The following CEP112 variants were observed in gnomAD, a reference collection of about 807,000 sequenced individuals.
The protein encoded by CEP112 is centrosomal protein 112.
Under a neutral mutation model 153.0 loss-of-function variants are expected in CEP112, and 127 were observed. The ratio of observed to expected loss-of-function variants is 0.83; its 90% confidence interval spans 0.72 to 0.96. The LOEUF (loss-of-function observed/expected upper bound fraction) is 0.96, where lower values mean the gene tolerates loss of function less well. Ranked by LOEUF, CEP112 falls within the 40% of genes least tolerant of loss-of-function variation. The pLI is 0.00. For missense variants in CEP112, 1,089 were observed against 1,101.2 expected, an observed-to-expected ratio of 0.99 and a Z score of 0.16; for synonymous variants, 358 against 374.4, an observed-to-expected ratio of 0.96 and a Z score of 0.51.
intron 21 of CEP112, among the ~76,000 whole-genome samples, chr17:65,768,091 C>A (rs1482834586): frequency 1.3e-5 from 2 of 152,030 alleles, no homozygotes; most frequent in Non-Finnish European, 2.9e-5. Context: ...ATTTGACTAC[C>A]CCAAAACTTA....
intron 21 of CEP112, among the ~76,000 whole-genome samples, chr17:65,775,247 T>A (rs1163820700): frequency 6.6e-6 from 1 of 151,960 alleles, no homozygotes; most frequent in Non-Finnish European, 1.5e-5. Flanking sequence ...CCCTCACAGC[T>A]GGGACACGGA....
At chr17:65,757,063 T>A (rs1330463515) in intron 21 of CEP112, among the ~76,000 whole-genome samples, 2 of 152,172 alleles carry the variant, frequency 1.3e-5, no homozygotes, top group African/African-American at 4.8e-5. Context: ...GACACCCATC[T>A]TTCTCTGCCT....
intron 21 of CEP112, among the ~76,000 whole-genome samples, chr17:65,838,846 T>C (rs2057413889): frequency 6.6e-6 from 1 of 151,908 alleles, no homozygotes; most frequent in Non-Finnish European, 1.5e-5. Flanking sequence ...AAATACAAAG[T>C]ATCAGTAGAG....
intron 11 of CEP112, among the ~76,000 whole-genome samples, chr17:66,054,534 T>C (rs2066594569): frequency 6.6e-6 from 1 of 152,154 alleles, no homozygotes; most frequent in East Asian, 1.9e-4. Flanking sequence ...CAAACTAAGG[T>C]AAGGAAAACA....
intron 6 of CEP112, among the ~76,000 whole-genome samples, chr17:66,109,300 G>A (rs962481755): frequency 6.6e-6 from 1 of 152,122 alleles, no homozygotes; most frequent in Non-Finnish European, 1.5e-5. Context: ...ATGAAGGATC[G>A]ATGTTTGAGA....
chr17:66,100,845 A>C (rs2068540817), intron 6 of CEP112, among the ~76,000 whole-genome samples: 1 of 152,146 alleles, frequency 6.6e-6, no homozygotes. Flanking sequence ...CAGTATAACA[A>C]CTATTTCCAT....
At chr17:65,659,032 AAAAAAAAAAT>A (rs1324776845) in intron 24 of CEP112, among the ~76,000 whole-genome samples, 1 of 150,548 alleles carries the variant, frequency 6.6e-6, no homozygotes, top group African/African-American at 2.5e-5. Context: ...AAAAAAAAAA[AAAAAAAAAAT>A]ATCAGACCAT....
At chr17:65,793,318 C>T (rs1441141296) in intron 21 of CEP112, among the ~76,000 whole-genome samples, 4 of 152,080 alleles carry the variant, frequency 2.6e-5, no homozygotes. Context: ...GAGAACAACA[C>T]ACAATGGGGC....
intron 6 of CEP112, among the ~76,000 whole-genome samples, chr17:66,102,641 C>CA (rs1277132246): frequency 6.6e-6 from 1 of 150,748 alleles, no homozygotes; most frequent in Non-Finnish European, 1.5e-5. Flanking sequence ...ACCAAAAATA[C>CA]AAAAAAATTA....
intron 16 of CEP112, among the ~76,000 whole-genome samples, chr17:66,024,898 C>A (rs548870118): frequency 6.6e-6 from 1 of 152,210 alleles, no homozygotes; most frequent in East Asian, 1.9e-4. Flanking sequence ...TCAGATTATA[C>A]TACAAGGTTA....
intron 4 of CEP112, among the ~76,000 whole-genome samples, chr17:66,168,937 A>G (rs1367775376): frequency 1.3e-5 from 2 of 152,110 alleles, no homozygotes; most frequent in Admixed American, 6.6e-5. Context: ...CATGGCCTGC[A>G]TGGTGTGGCA....
intron 18 of CEP112, among the ~76,000 whole-genome samples, 197 bp downstream of exon 18, chr17:65,961,266 T>C (rs945052596): frequency 6.6e-6 from 1 of 152,240 alleles, no homozygotes; most frequent in Non-Finnish European, 1.5e-5. Flanking sequence ...GACTTTTAAA[T>C]GATCATTCTG....
chr17:66,118,262 T>C (rs2069399981), intron 6 of CEP112, among the ~76,000 whole-genome samples: 1 of 152,198 alleles, frequency 6.6e-6, no homozygotes, highest in Non-Finnish European at 1.5e-5. Context: ...CTCCCATGAT[T>C]ATTGCAGCAC....
chr17:65,650,742 A>T (rs548013473), intron 24 of CEP112, among the ~76,000 whole-genome samples: 12 of 150,580 alleles, frequency 8.0e-5, no homozygotes, highest in African/African-American at 2.9e-4. Context: ...AAAAAAAAAA[A>T]AAAAAAAAAA....
At chr17:65,761,041 A>G (rs1291210280) in intron 21 of CEP112, among the ~76,000 whole-genome samples, 1 of 152,110 alleles carries the variant, frequency 6.6e-6, no homozygotes, top group African/African-American at 2.4e-5. Flanking sequence ...AATTGATCAT[A>G]GTATTTATTT....
At chr17:65,866,815 G>A (rs2058503019) in intron 20 of CEP112, among the ~76,000 whole-genome samples, 1 of 152,122 alleles carries the variant, frequency 6.6e-6, no homozygotes, top group Non-Finnish European at 1.5e-5. Flanking sequence ...ACGGAGAGGA[G>A]CTACCCACTC....
chr17:66,169,075 T>C (rs191966045), intron 4 of CEP112, among the ~76,000 whole-genome samples: 34 of 152,286 alleles, frequency 2.2e-4, no homozygotes, highest in Admixed American at 3.9e-4. Flanking sequence ...AGGTGCCTGA[T>C]GATGGATTAC....
At chr17:66,144,850 T>A (rs1260366297) in intron 4 of CEP112, among the ~76,000 whole-genome samples, 7 of 152,246 alleles carry the variant, frequency 4.6e-5, no homozygotes, top group African/African-American at 1.7e-4. Flanking sequence ...CAAGTATTTA[T>A]GTGGACATAT....
chr17:65,739,719 G>C (rs1303590965), intron 23 of CEP112, among the ~76,000 whole-genome samples: 1 of 151,782 alleles, frequency 6.6e-6, no homozygotes, highest in African/African-American at 2.4e-5. Flanking sequence ...CTGGGCAACA[G>C]AGCAAGACTC....
Sources: allele counts gnomAD v4.1 joint callset (sites outside exome capture counted in the v4.1 genomes callset), GRCh38; gene constraint gnomAD v4.1.1; transcripts MANE v1.5; gene names NCBI Gene and HGNC (gene_info 2026-07-23, HGNC 2026-07-21).